KIAA1217: variants seen among roughly 807,000 people sequenced by gnomAD.
The protein encoded by KIAA1217 is sickle tail protein homolog.
Under a neutral mutation model 163.9 loss-of-function variants are expected in KIAA1217, and 88 were observed. The ratio of observed to expected loss-of-function variants is 0.54; its 90% CI spans 0.45 to 0.64. KIAA1217 has a LOEUF of 0.64. Among genes scored for constraint, KIAA1217 ranks in the 30% least tolerant of loss-of-function variants. KIAA1217 has a pLI of 0.00. For missense variants in KIAA1217, 2,372 were observed against 2,475.0 expected, an observed-to-expected ratio of 0.96 and a Z score of 0.88; for synonymous variants, 903 against 923.1, an observed-to-expected ratio of 0.98 and a Z score of 0.39.
intron 2 of KIAA1217, among the ~76,000 whole-genome samples, chr10:24,296,142 T>C (rs1158366808): frequency 1.3e-5 from 2 of 152,148 alleles, no homozygotes; most frequent in Non-Finnish European, 2.9e-5. Flanking sequence ...CCCACTCTGT[T>C]GCCCAGGCTG....
rs542680617 is a variant in KIAA1217 at position 23,734,610 on chromosome 10, A to T, written c.-321+39376A>T. Among the ~76,000 whole-genome samples the T allele has an allele frequency of 2.0e-5, 3 of 151,946 alleles. No homozygotes were observed. In the South Asian group the frequency reaches 6.3e-4, roughly 32 times the overall value. ...GGCCAAGTTTTAAACTTTTTATCATACACTTAATTTCTAAACAATAGTTTG... is the reference window on the plus strand; with the variant it reads ...GGCCAAGTTTTAAACTTTTTATCATTCACTTAATTTCTAAACAATAGTTTG... On this transcript the variant is annotated intron_variant, in intron 1 of 18. Coordinates refer to the KIAA1217 transcript ENST00000376462.
At chr10:23,916,968 CAAAAAA>C (rs72049753) in intron 1 of KIAA1217, among the ~76,000 whole-genome samples, 1 of 80,064 alleles carries the variant, frequency 1.2e-5, no homozygotes, top group African/African-American at 4.2e-5. Context: ...GAGATTCTCT[CAAAAAA>C]AAAAAAAAAA....
intron 5 of KIAA1217, among the ~76,000 whole-genome samples, chr10:24,463,118 T>G (rs1325612163): frequency 1.3e-5 from 2 of 152,208 alleles, no homozygotes; most frequent in Non-Finnish European, 2.9e-5. Context: ...CTGGGGAACA[T>G]GGGAGTAGCC....
intron 1 of KIAA1217, among the ~76,000 whole-genome samples, chr10:23,818,351 A>T (rs868216196): frequency 0.011 from 1,433 of 134,852 alleles, 13 homozygotes; most frequent in East Asian, 0.025. Flanking sequence ...TATATAAAAA[A>T]ATATATATAT....
chr10:24,227,219 G>A (rs1018459726), intron 2 of KIAA1217, among the ~76,000 whole-genome samples: 16 of 151,842 alleles, frequency 1.1e-4, no homozygotes, highest in South Asian at 4.2e-4. Context: ...GTGCAATGGC[G>A]CGATCTTTTC....
intron 1 of KIAA1217, among the ~76,000 whole-genome samples, chr10:23,758,867 G>C (rs1247947324): frequency 2.0e-5 from 3 of 150,624 alleles, no homozygotes; most frequent in Admixed American, 2.0e-4. Flanking sequence ...TTGTATTATT[G>C]TTAGAGATGG....
At chr10:24,032,635 T>G (rs1455582093) in intron 2 of KIAA1217, among the ~76,000 whole-genome samples, 3 of 152,160 alleles carry the variant, frequency 2.0e-5, no homozygotes, top group South Asian at 2.1e-4. Flanking sequence ...CATTTCAAAG[T>G]AAGTAAGAGG....
At chr10:24,087,235 G>T (rs1341948849) in intron 2 of KIAA1217, among the ~76,000 whole-genome samples, 2 of 152,118 alleles carry the variant, frequency 1.3e-5, no homozygotes, top group Non-Finnish European at 2.9e-5. Context: ...TTAAATCCTG[G>T]CCTAATGGCA....
intron 17 of KIAA1217, among the ~76,000 whole-genome samples, chr10:24,538,126 G>C (rs943456938): frequency 2.0e-5 from 3 of 152,158 alleles, no homozygotes; most frequent in Non-Finnish European, 4.4e-5. Context: ...GTCCATGTAC[G>C]ACAGCTCAAG....
intron 2 of KIAA1217, among the ~76,000 whole-genome samples, chr10:24,175,964 G>A (rs948201481): frequency 1.3e-5 from 2 of 152,188 alleles, no homozygotes; most frequent in African/African-American, 4.8e-5. Flanking sequence ...TATTGCAAAG[G>A]GAGAAAGAAC....
rs139240103 is a variant in KIAA1217 at position 23,925,476 on chromosome 10, G to T, written c.-320-81749G>T. 1.1e-4 allele frequency among the ~76,000 whole-genome samples: 16 copies of T among 152,324 alleles called. No individual in the cohort carries two copies. In the East Asian group the frequency reaches 3.1e-3, roughly 29 times the overall value. The stretch of plus-strand genomic sequence containing the variant: ...TCAACCCACCTCCTCTCTGCATTCT[G>T]CAAGGATCAGTCTCTTTTGACTGTC... On this transcript the variant is annotated intron_variant, in intron 1 of 18. Coordinates refer to the KIAA1217 transcript ENST00000376462.
chr10:24,258,125 G>A (rs1466909207), intron 2 of KIAA1217, among the ~76,000 whole-genome samples: 3 of 152,066 alleles, frequency 2.0e-5, no homozygotes, highest in Non-Finnish European at 4.4e-5. Context: ...AGGCTGCCGT[G>A]AGCCGTGATT....
intron 2 of KIAA1217, among the ~76,000 whole-genome samples, chr10:24,267,826 C>T (rs1285641579): frequency 1.3e-5 from 2 of 152,226 alleles, no homozygotes; most frequent in African/African-American, 4.8e-5. Context: ...GAAACAACTG[C>T]ATATTCTACT....
In KIAA1217 at chr10:24,543,279, G is replaced by A. The variant is rs779696488; in HGVS notation, c.4009G>A (p.Asp1337Asn). The A allele has an allele frequency of 5.0e-6, 8 of 1,614,040 alleles. No individual in the cohort carries two copies. Among genetic ancestry groups the A allele is most frequent in the Non-Finnish European group, 6.8e-6 (8 of 1,180,008 alleles). ...ESSVHDFKTE[D>N]QEVITTDFGQ... is the part of the protein sequence containing the mutation. The stretch of plus-strand genomic sequence containing the variant: ...AAGCGTGCATGATTTTAAAACAGAA[G>A]ATCAAGAGGTTATCACGACAGATTT... The change falls in exon 19 of 21, where the codon GAT (aspartate) becomes AAT (asparagine). Residue 1337 changes from aspartate to asparagine, a missense_variant. Around this residue, in one of 3 missense-constraint regions of KIAA1217, gnomAD observed 251 missense variants for 327.3 expected, o/e 0.77. Coordinates refer to ENST00000376454, the MANE Select transcript of KIAA1217 (RefSeq NM_019590.5).
At chr10:24,247,229 T>G (rs982254055) in intron 2 of KIAA1217, among the ~76,000 whole-genome samples, 1 of 151,996 alleles carries the variant, frequency 6.6e-6, no homozygotes, top group South Asian at 2.1e-4. Flanking sequence ...TAAACTTGTG[T>G]CATGGGGCTT....
chr10:23,974,195 A>G (rs1845442958), intron 1 of KIAA1217, among the ~76,000 whole-genome samples: 1 of 152,162 alleles, frequency 6.6e-6, no homozygotes, highest in Admixed American at 6.6e-5. Context: ...GTTGTGAGAA[A>G]GTGGGTTTGA....
chr10:24,331,522 T>G (rs895202436), intron 2 of KIAA1217, among the ~76,000 whole-genome samples: 3 of 152,186 alleles, frequency 2.0e-5, no homozygotes, highest in Non-Finnish European at 4.4e-5. Context: ...GAAATTCCAG[T>G]TAACGAAGCA....
At chr10:23,983,621 C>T (rs923956371) in intron 1 of KIAA1217, among the ~76,000 whole-genome samples, 1 of 152,190 alleles carries the variant, frequency 6.6e-6, no homozygotes, top group African/African-American at 2.4e-5. Flanking sequence ...ACAACCCAGT[C>T]ATCTCCAACC....
rs1053863588 is a variant in KIAA1217 at position 23,937,630 on chromosome 10, C to T, written c.-320-69595C>T. ...GTGGCTGAGAAGAGGCTCCATAGAA[C>T]GGCCCATTAGTCTACTTATTTTTTC... On this transcript the variant is annotated intron_variant, in intron 1 of 18. Transcript: ENST00000376462. Among the ~76,000 whole-genome samples, 9 of 152,154 alleles carry T rather than the reference C, an allele frequency of 5.9e-5. No individual in the cohort carries two copies. In the South Asian group the frequency reaches 8.3e-4, roughly 14 times the overall value.
Sources: allele counts gnomAD v4.1 joint callset (sites outside exome capture counted in the v4.1 genomes callset), GRCh38; gene constraint gnomAD v4.1.1; regional missense constraint gnomAD v4.1.1; transcripts MANE v1.5; gene names NCBI Gene and HGNC (gene_info 2026-07-23, HGNC 2026-07-21).